UNC13B: variants seen among roughly 807,000 people sequenced by gnomAD.
UNC13B encodes the protein protein unc-13 homolog B.
In UNC13B, 144 loss-of-function variants were observed where a neutral mutation model predicts 211.0. That is an observed-to-expected ratio of 0.68 (90% CI 0.60 to 0.78). The LOEUF is 0.78. Ranked by LOEUF, UNC13B falls within the 30% of genes least tolerant of loss-of-function variation. The pLI is 0.00. For missense variants in UNC13B, 1,777 were observed against 2,002.0 expected, an observed-to-expected ratio of 0.89 and a Z score of 2.14; for synonymous variants, 709 against 725.8, an observed-to-expected ratio of 0.98 and a Z score of 0.37.
At chr9:35,165,505 C>T (rs1180221545) in intron 1 of UNC13B, among the ~76,000 whole-genome samples, 1 of 151,266 alleles carries the variant, frequency 6.6e-6, no homozygotes, top group Non-Finnish European at 1.5e-5. Flanking sequence ...GCAACTTCTG[C>T]CTCCCAGGTT....
chr9:35,378,073 T>G (rs989235865), intron 16 of UNC13B, among the ~76,000 whole-genome samples: 1 of 151,922 alleles, frequency 6.6e-6, no homozygotes, highest in Non-Finnish European at 1.5e-5. Flanking sequence ...GGTGTAAAGA[T>G]CAATATAGAG....
intron 1 of UNC13B, among the ~76,000 whole-genome samples, chr9:35,201,085 T>G (rs1823256364): frequency 6.6e-6 from 1 of 152,120 alleles, no homozygotes; most frequent in Non-Finnish European, 1.5e-5. Context: ...CTGCATCTAT[T>G]GAGATAATCA....
intron 1 of UNC13B, among the ~76,000 whole-genome samples, chr9:35,203,913 C>T (rs959965064): frequency 8.5e-5 from 13 of 152,208 alleles, no homozygotes; most frequent in East Asian, 1.9e-4. Flanking sequence ...TTCAAGACAA[C>T]GAGGAAAAGA....
At chr9:35,403,724 A>G (rs1442217985) in intron 39 of UNC13B, 24 bp from the exon 40 acceptor site, 1 of 1,612,822 alleles carries the variant, frequency 6.2e-7, no homozygotes, top group Non-Finnish European at 8.5e-7. Context: ...CTCTGGCCTC[A>G]TAACTTCTAT....
At chr9:35,166,758 C>T (rs927171639) in intron 1 of UNC13B, among the ~76,000 whole-genome samples, 1 of 152,182 alleles carries the variant, frequency 6.6e-6, no homozygotes, top group African/African-American at 2.4e-5. Context: ...GTTCTCTTGT[C>T]CCCATTCGGT....
chr9:35,297,245 T>C (rs1263071805), intron 8 of UNC13B, among the ~76,000 whole-genome samples: 1 of 151,866 alleles, frequency 6.6e-6, no homozygotes, highest in Non-Finnish European at 1.5e-5. Context: ...CACGCCACCA[T>C]GCCCGGCTAA....
rs1820803499 is a variant in UNC13B, at chr9:35,162,036, A to G, written c.-248A>G. ...TCCCGGCAGCTCCTACCTCCCAGCG[A>G]TGGCGTCGCTGTGCCGCGCCCAGTC... On this transcript the variant is annotated 5_prime_UTR_variant, in exon 1 of 40. The change abolishes an upstream ATG in the 5' untranslated region. Coordinates refer to ENST00000635942, the MANE Select transcript of UNC13B (RefSeq NM_001371189.2). 5 of 551,094 alleles carry G rather than the reference A, an allele frequency of 9.1e-6. No individual in the cohort carries two copies. Among genetic ancestry groups the G allele is most frequent in the Non-Finnish European group, 1.6e-5 (5 of 317,436 alleles). 34.1% of individuals were successfully genotyped at this position (551,094 alleles called of 1,614,324 possible). A position where few individuals can be genotyped will look rare whatever the true frequency, so the allele number is the denominator to read the frequency against.
chr9:35,202,000 A>C (rs113643154), intron 1 of UNC13B, among the ~76,000 whole-genome samples: 2,581 of 152,224 alleles, frequency 0.017, 58 homozygotes, highest in African/African-American at 0.059. Flanking sequence ...CCGTCTACAC[A>C]TTGCTTTAAA....
At chr9:35,341,088 G>A (rs781096079) in intron 11 of UNC13B, among the ~76,000 whole-genome samples, 1 of 152,152 alleles carries the variant, frequency 6.6e-6, no homozygotes, top group Non-Finnish European at 1.5e-5. Context: ...GAAATTTGGG[G>A]TCATAAAAGG....
chr9:35,328,526 C>T (rs1278980126), intron 11 of UNC13B, among the ~76,000 whole-genome samples: 1 of 152,134 alleles, frequency 6.6e-6, no homozygotes, highest in African/African-American at 2.4e-5. Context: ...ATGATCCTTC[C>T]ACTGTATTCC....
At chr9:35,387,391 C>G (rs1044165696) in intron 24 of UNC13B, among the ~76,000 whole-genome samples, 1 of 152,188 alleles carries the variant, frequency 6.6e-6, no homozygotes, top group African/African-American at 2.4e-5. Flanking sequence ...ACTGCCTCTT[C>G]TCATTCCCAA....
rs574609345 is a variant in UNC13B at position 35,352,889 on chromosome 9, T to C, written c.9415-14058T>C. The C allele has an allele frequency of 1.2e-4, 149 of 1,231,892 alleles. 1 individual carries two copies. Among genetic ancestry groups the C allele is most frequent in the Non-Finnish European group, 1.5e-4 (146 of 987,934 alleles). The allele number at this position is 1,231,892 out of a possible 1,614,324, so 76.3% of individuals were successfully genotyped here. ...ACAGTACAGCCAAAAACATGAAGCATGTAAAGTAGGAAAACCAGAAAATGA... is the reference window on the plus strand; with the variant it reads ...ACAGTACAGCCAAAAACATGAAGCACGTAAAGTAGGAAAACCAGAAAATGA... On this transcript the variant is annotated intron_variant, in intron 11 of 39. Transcript: ENST00000635942.
intron 11 of UNC13B, among the ~76,000 whole-genome samples, chr9:35,322,835 C>T (rs1034638853): frequency 2.6e-5 from 4 of 152,106 alleles, no homozygotes; most frequent in African/African-American, 9.7e-5. Flanking sequence ...CCTATCTTAA[C>T]TTCTCAACTC....
intron 3 of UNC13B, among the ~76,000 whole-genome samples, chr9:35,235,795 A>G (rs1245054003): frequency 6.6e-6 from 1 of 152,172 alleles, no homozygotes; most frequent in Non-Finnish European, 1.5e-5. Flanking sequence ...TGTGTAGTTT[A>G]AGTTGAAGCA....
intron 8 of UNC13B, 63 bp from the exon 9 acceptor site, chr9:35,300,103 A>T: frequency 2.5e-6 from 1 of 398,092 alleles, no homozygotes; most frequent in African/African-American, 2.1e-5. Flanking sequence ...AAAAGATACC[A>T]CCTCAGAGCC....
In UNC13B at chr9:35,380,654, C is replaced by A. The variant is rs1834764419; in HGVS notation, c.10375+15C>A. ...GTACAACTTGGGTGAGGAAACTGGA[C>A]CCGAGAAAGTTGCTTGGAAGGGAAA... On this transcript the variant is annotated intron_variant, in intron 18 of 39. Coordinates refer to ENST00000635942, the MANE Select transcript of UNC13B (RefSeq NM_001371189.2). The A allele has an allele frequency of 1.9e-6, 3 of 1,613,810 alleles. No homozygotes were observed. Among genetic ancestry groups the A allele is most frequent in the Non-Finnish European group, 2.5e-6 (3 of 1,179,894 alleles).
At chr9:35,183,097 C>T (rs60821324) in intron 1 of UNC13B, among the ~76,000 whole-genome samples, 2 of 101,570 alleles carry the variant, frequency 2.0e-5, no homozygotes, top group African/African-American at 3.2e-5. Flanking sequence ...GACGGGGCGG[C>T]CTGGCAGAGG....
chr9:35,227,745 G>C, intron 1 of UNC13B: 1 of 358,992 alleles, frequency 2.8e-6, no homozygotes. Context: ...CTGGCTGCCT[G>C]CCACAGGAGT....
chr9:35,184,194 C>T (rs963919411), intron 1 of UNC13B, among the ~76,000 whole-genome samples: 44 of 151,476 alleles, frequency 2.9e-4, no homozygotes, highest in Admixed American at 5.9e-4. Flanking sequence ...CCAGACAGGG[C>T]GGCCGGGCAG....
Sources: allele counts gnomAD v4.1 joint callset (sites outside exome capture counted in the v4.1 genomes callset), GRCh38; gene constraint gnomAD v4.1.1; transcripts MANE v1.5; gene names NCBI Gene and HGNC (gene_info 2026-07-23, HGNC 2026-07-21).